The following CLMN variants were observed in gnomAD, a reference collection of about 807,000 sequenced individuals.
CLMN encodes calmin (calponin-like, transmembrane).
CLMN carries 57 observed loss-of-function variants against 92.7 expected under a neutral mutation model. That is an observed-to-expected ratio of 0.61 (90% CI 0.50 to 0.77). The LOEUF (loss-of-function observed/expected upper bound fraction) is 0.77, where lower values mean the gene tolerates loss of function less well. CLMN is among the 30% of genes least tolerant of loss of function. CLMN has a pLI of 0.00. For missense variants in CLMN, 1,158 were observed against 1,237.5 expected (o/e 0.94, Z 0.96); for synonymous variants, 466 against 470.6 (o/e 0.99, Z 0.13).
intron 1 of CLMN, among the ~76,000 whole-genome samples, chr14:95,248,761 T>A (rs943008243): frequency 6.6e-6 from 1 of 152,132 alleles, no homozygotes; most frequent in African/African-American, 2.4e-5. Flanking sequence ...CTAAATGCCA[T>A]AAAAGGGCTT....
chr14:95,319,217 G>C (rs1180293694), intron 1 of CLMN, among the ~76,000 whole-genome samples: 2 of 151,850 alleles, frequency 1.3e-5, no homozygotes, highest in African/African-American at 4.8e-5. Context: ...CCGCACCCCT[G>C]GCCCCGCTTT....
At chr14:95,302,225 G>A (rs1452907826) in intron 1 of CLMN, among the ~76,000 whole-genome samples, 9 of 151,988 alleles carry the variant, frequency 5.9e-5, no homozygotes, top group African/African-American at 1.2e-4. Flanking sequence ...GCTTGAACCC[G>A]GGAGGCAGAG....
chr14:95,221,737 C>T lies in CLMN; in HGVS notation c.278G>A (p.Arg93Gln), dbSNP rs764773895. 37 of 1,613,952 alleles carry T rather than the reference C, an allele frequency of 2.3e-5. No homozygotes were observed. Among genetic ancestry groups the T allele is most frequent in the Admixed American group, 1.0e-4 (6 of 59,982 alleles). Residue 93 changes from arginine to glutamine, a missense_variant, in exon 4 of 13, where the codon CGG becomes CAG. Transcript: ENST00000298912. ...AAGTGCTTTCGCTATGTTGTTCAAC[C>T]GAAAAATACGATGCGACGAGGATTT... is the stretch of plus-strand genomic sequence containing the variant. ...EYKSSSHRIF[R>Q]LNNIAKALKF...
intron 1 of CLMN, among the ~76,000 whole-genome samples, chr14:95,267,582 C>T (rs1362099337): frequency 6.6e-6 from 1 of 152,018 alleles, no homozygotes; most frequent in Non-Finnish European, 1.5e-5. Context: ...TACACTGTTG[C>T]TAGAATGTAA....
In CLMN at chr14:95,194,342, ACATCT is replaced by A. The variant is rs927187936; in HGVS notation, c.2769+189_2769+193del. 7.7e-6 allele frequency: 11 copies of A among 1,432,442 alleles called. No homozygotes were observed. The highest frequency in any genetic ancestry group is 1.4e-5 in the African/African-American group (1 of 69,508). The allele number at this position is 1,432,442 out of a possible 1,614,324, so 88.7% of individuals were successfully genotyped here. A position where few individuals can be genotyped will look rare whatever the true frequency, so the allele number is the denominator to read the frequency against. On this transcript the variant is annotated intron_variant, in intron 11 of 12. Transcript: ENST00000298912. The surrounding 1 kb of genome is among the most constrained non-coding windows in gnomAD (Gnocchi z 4.0). ...GGGCTTTAAAATCCTCACTTTATTT[ACATCT>A]CTTATTGCCCAAACCGGATATCCGA... is the stretch of plus-strand genomic sequence containing the variant.
rs1254451619 is a variant in CLMN, at chr14:95,317,128, C to T, written c.82+2583G>A. ...CAAAGTCGATCATCCAGGCACATCCCGGGCCATCTGACATCTGACAGCCAG... is the reference window on the plus strand; with the variant it reads ...CAAAGTCGATCATCCAGGCACATCCTGGGCCATCTGACATCTGACAGCCAG... On this transcript the variant is annotated intron_variant, in intron 1 of 12. Transcript: ENST00000298912. 2.6e-5 allele frequency among the ~76,000 whole-genome samples: 4 copies of T among 152,178 alleles called. No individual in the cohort carries two copies. The South Asian group carries it at 6.2e-4, about 24-fold the overall frequency.
At chr14:95,212,411 G>A (rs182410642) in intron 6 of CLMN, among the ~76,000 whole-genome samples, 4 of 152,278 alleles carry the variant, frequency 2.6e-5, no homozygotes, top group Admixed American at 2.6e-4. Flanking sequence ...CAGGGGCTGT[G>A]GGCCTGCTGC....
At chr14:95,286,719 T>C (rs1444786078) in intron 1 of CLMN, among the ~76,000 whole-genome samples, 1 of 152,174 alleles carries the variant, frequency 6.6e-6, no homozygotes, top group Non-Finnish European at 1.5e-5. Flanking sequence ...GTTGAAGACA[T>C]AAAGACCAAG....
At chr14:95,212,354 G>GTTGGT (rs1897222874) in intron 6 of CLMN, among the ~76,000 whole-genome samples, 1 of 152,206 alleles carries the variant, frequency 6.6e-6, no homozygotes, top group African/African-American at 2.4e-5. Flanking sequence ...GCGGCCCCGA[G>GTTGGT]TTGGTTTGGT....
intron 1 of CLMN, among the ~76,000 whole-genome samples, chr14:95,278,796 C>T (rs1338832405): frequency 6.6e-6 from 1 of 152,014 alleles, no homozygotes; most frequent in Non-Finnish European, 1.5e-5. Context: ...TGGAAACATC[C>T]CCACCCCCAC....
At chr14:95,318,625 C>T (rs1901901172) in intron 1 of CLMN, among the ~76,000 whole-genome samples, 1 of 152,150 alleles carries the variant, frequency 6.6e-6, no homozygotes, top group East Asian at 1.9e-4. Flanking sequence ...GCCCCATCGC[C>T]TCTCTGCCCA....
chr14:95,203,950 C>T lies in CLMN; in HGVS notation c.1399G>A (p.Glu467Lys). Residue 467 changes from glutamate to lysine, a missense_variant, in exon 9 of 13, where the codon GAG becomes AAG. Glu to Lys is a moderately conservative substitution (Grantham distance 56). Coordinates refer to ENST00000298912, the MANE Select transcript of CLMN (RefSeq NM_024734.4). The stretch of plus-strand genomic sequence containing the variant: ...TTCTGTTCCTTTTCCTCAGCAACCT[C>T]AACTGCCAAGACATGTCCATCCTGC... Reference protein sequence around the residue: ...LRQDGHVLAVEVAEEKEQKQE... With the variant: ...LRQDGHVLAVKVAEEKEQKQE... 2 of 1,614,200 alleles carry T rather than the reference C, an allele frequency of 1.2e-6. No individual in the cohort carries two copies. The highest frequency in any genetic ancestry group is 1.7e-6 in the Non-Finnish European group (2 of 1,180,050).
chr14:95,235,842 G>A (rs956252639), intron 1 of CLMN, among the ~76,000 whole-genome samples: 1 of 152,156 alleles, frequency 6.6e-6, no homozygotes. Flanking sequence ...GTGAGACGTG[G>A]CTTCATCTCT....
chr14:95,223,655 G>T, intron 3 of CLMN, 105 bp downstream of exon 3: 1 of 844,678 alleles, frequency 1.2e-6, no homozygotes, highest in Non-Finnish European at 1.8e-6. Context: ...CCGCTTCAGA[G>T]TTTCTTATTA....
At chr14:95,244,416 T>C (rs911930790) in intron 1 of CLMN, among the ~76,000 whole-genome samples, 3 of 152,216 alleles carry the variant, frequency 2.0e-5, no homozygotes, top group Non-Finnish European at 4.4e-5. Context: ...GTTGTGCCCG[T>C]TGAGTTTTCT....
Position 95,259,140 on chromosome 14 carries a change from TG to T in CLMN, c.83-29008del, listed in dbSNP as rs1459911120. On this transcript the variant is annotated intron_variant, in intron 1 of 12. Transcript: ENST00000298912. This position sits in a 1 kb window ranked among gnomAD's most constrained non-coding sequence, Gnocchi z 4.3. The stretch of plus-strand genomic sequence containing the variant: ...GCATCTGTGTGTGTGAAGTGGGGTG[TG>T]CACTCAGGGAGTTGGTGCTGCATGG... Among the ~76,000 whole-genome samples, 1 of 151,996 alleles carries T rather than the reference TG, an allele frequency of 6.6e-6. No individual in the cohort carries two copies. The highest frequency in any genetic ancestry group is 1.5e-5 in the Non-Finnish European group (1 of 67,968).
At chr14:95,237,097 T>C (rs1898080605) in intron 1 of CLMN, among the ~76,000 whole-genome samples, 3 of 152,228 alleles carry the variant, frequency 2.0e-5, no homozygotes, top group South Asian at 4.1e-4. Context: ...GACAAGTTAC[T>C]GGACTACCCT....
intron 8 of CLMN, among the ~76,000 whole-genome samples, chr14:95,205,965 A>G (rs1266774804): frequency 6.6e-6 from 1 of 152,238 alleles, no homozygotes; most frequent in East Asian, 1.9e-4. Flanking sequence ...TGAAACCCGT[A>G]TAAACGTATG....
intron 1 of CLMN, among the ~76,000 whole-genome samples, chr14:95,246,499 C>T (rs1220349941): frequency 2.6e-5 from 4 of 152,202 alleles, no homozygotes; most frequent in African/African-American, 4.8e-5. Flanking sequence ...GATGGAGTCT[C>T]GCTCTGTCGC....
Sources: allele counts gnomAD v4.1 joint callset (sites outside exome capture counted in the v4.1 genomes callset), GRCh38; gene constraint gnomAD v4.1.1; non-coding constraint Gnocchi (gnomAD v3.1); transcripts MANE v1.5; gene names NCBI Gene and HGNC (gene_info 2026-07-23, HGNC 2026-07-21).